Variants in NPHP4 observed in about 807,000 individuals in gnomAD.
NPHP4 encodes nephrocystin-4.
A neutral mutation model predicts 155.8 loss-of-function variants in NPHP4; 151 were observed. That is an observed-to-expected ratio of 0.97 (90% CI 0.85 to 1.11). The LOEUF is 1.11. Ranked by LOEUF, NPHP4 falls within the 50% of genes least tolerant of loss-of-function variation. NPHP4 has a pLI of 0.00. For synonymous variants in NPHP4, 845 were observed against 816.8 expected, an observed-to-expected ratio of 1.03 and a Z score of -0.59; for missense variants, 1,956 against 1,925.7, an observed-to-expected ratio of 1.02 and a Z score of -0.29.
At chr1:5,967,809 T>C (rs1407999488) in intron 4 of NPHP4, among the ~76,000 whole-genome samples, 2 of 152,122 alleles carry the variant, frequency 1.3e-5, no homozygotes, top group African/African-American at 2.4e-5. Context: ...CCCTGGCATC[T>C]AGTGCGTTGC....
intron 16 of NPHP4, among the ~76,000 whole-genome samples, chr1:5,900,438 G>A (rs1045134836): frequency 6.6e-6 from 1 of 152,200 alleles, no homozygotes; most frequent in African/African-American, 2.4e-5. Flanking sequence ...CACAGTGCTG[G>A]GGGGAAGAAA....
In NPHP4 at chr1:5,969,156, CAGGA is replaced by C. The variant is rs1652095188; in HGVS notation, c.379_382del (p.Ser127ValfsTer50). The stretch of plus-strand genomic sequence containing the variant: ...GAAGATCCGAAGAATTCCAAACCCA[CAGGA>C]CAATGTCTGGAGGCTCCCATCCCGT... On this transcript the variant is annotated frameshift_variant, in exon 4 of 30. Coordinates refer to ENST00000378156, the MANE Select transcript of NPHP4 (RefSeq NM_015102.5). LOFTEE classifies it high-confidence loss of function. The C allele has an allele frequency of 6.4e-7, 1 of 1,556,448 alleles. No individual in the cohort carries two copies. The highest frequency in any genetic ancestry group is 1.2e-5 in the South Asian group (1 of 84,294).
chr1:5,941,289 C>CAATAAAAAAA (rs1646800641), intron 9 of NPHP4, among the ~76,000 whole-genome samples: 1 of 44,776 alleles, frequency 2.2e-5, no homozygotes, highest in Non-Finnish European at 3.7e-5. Context: ...GAGATCTAGA[C>CAATAAAAAAA]AAAAAAAAAA....
chr1:5,950,285 G>A (rs933468389), intron 7 of NPHP4, among the ~76,000 whole-genome samples: 1 of 152,184 alleles, frequency 6.6e-6, no homozygotes, highest in Non-Finnish European at 1.5e-5. Flanking sequence ...ATCAAGGATG[G>A]CAGCATAACA....
At position 5,948,100 on chromosome 1, in the gene NPHP4, C is replaced by A. The variant is rs1046803552; in HGVS notation, c.962G>T (p.Ser321Ile). Residue 321 changes from serine to isoleucine, a missense_variant, in exon 8 of 30, where the codon AGC (serine) becomes ATC (isoleucine). By Grantham distance (142) the Ser-to-Ile change is moderately radical. Coordinates refer to ENST00000378156, the MANE Select transcript of NPHP4 (RefSeq NM_015102.5). ...CTTGGAAGAGGAGACCACTTTCCTG[C>A]TGAAGCTAGCTGAGCGCGTCAAGGC... ...DVALTRSASF[S>I]RKVVSSSKTS... 1.9e-6 allele frequency: 3 copies of A among 1,613,938 alleles called. No homozygotes were observed. The highest frequency in any genetic ancestry group is 1.7e-4 in the Middle Eastern group (1 of 6,060).
intron 19 of NPHP4, chr1:5,877,521 TA>T (rs1642741946): frequency 2.5e-6 from 1 of 403,592 alleles, no homozygotes; most frequent in Non-Finnish European, 4.4e-6. Flanking sequence ...GCCTTCAAAT[TA>T]AAAGCAATTC....
chr1:5,983,167 GAGA>G (rs1281207820), intron 2 of NPHP4, among the ~76,000 whole-genome samples: 7 of 152,184 alleles, frequency 4.6e-5, no homozygotes, highest in African/African-American at 9.7e-5. Flanking sequence ...CAATAATTGA[GAGA>G]AGAAGAGTTA....
chr1:5,890,709 A>G lies in NPHP4; in HGVS notation c.2304+159T>C, dbSNP rs1644075811. Among the ~76,000 whole-genome samples, 1 of 152,232 alleles carries G rather than the reference A, an allele frequency of 6.6e-6. No homozygotes were observed. The highest frequency in any genetic ancestry group is 1.5e-5 in the Non-Finnish European group (1 of 68,030). ...GAAAAATCTTTTCCTTTCAAGAAAC[A>G]GAGAATGCAGCACTATTTTTAACGA... is the stretch of plus-strand genomic sequence containing the variant. On this transcript the variant is annotated intron_variant, in intron 17 of 29. Coordinates refer to ENST00000378156, the MANE Select transcript of NPHP4 (RefSeq NM_015102.5). This position sits in a 1 kb window ranked among gnomAD's most constrained non-coding sequence, Gnocchi z 4.9.
At chr1:5,982,823 G>A (rs1410836860) in intron 2 of NPHP4, among the ~76,000 whole-genome samples, 1 of 151,938 alleles carries the variant, frequency 6.6e-6, no homozygotes, top group Non-Finnish European at 1.5e-5. Context: ...TCCTATTTGA[G>A]GATTTTCTAG....
chr1:5,931,566 T>A (rs1646274769), intron 10 of NPHP4, among the ~76,000 whole-genome samples: 2 of 151,716 alleles, frequency 1.3e-5, no homozygotes, highest in South Asian at 4.2e-4. Context: ...AAACCCCATC[T>A]CTACTAAAAA....
intron 10 of NPHP4, among the ~76,000 whole-genome samples, chr1:5,930,554 T>C (rs372052158): frequency 6.8e-4 from 103 of 152,370 alleles, no homozygotes; most frequent in African/African-American, 2.4e-3. Context: ...TTTTTACATA[T>C]TGTTTAATTT....
intron 1 of NPHP4, among the ~76,000 whole-genome samples, chr1:5,989,874 C>T (rs543312200): frequency 1.3e-5 from 2 of 152,176 alleles, no homozygotes; most frequent in African/African-American, 2.4e-5. Flanking sequence ...TGAAGCATGC[C>T]GGCCCCCTGC....
Position 5,890,892 on chromosome 1 carries a change from G to A in NPHP4, c.2280C>T (p.Ile760=), listed in dbSNP as rs1013943590. Residue 760 remains isoleucine, a synonymous_variant, in exon 17 of 30, where the codon ATC becomes ATT. Coordinates refer to ENST00000378156, the MANE Select transcript of NPHP4 (RefSeq NM_015102.5). The surrounding 1 kb of genome is among the most constrained non-coding windows in gnomAD (Gnocchi z 4.9). Reference sequence around the variant, plus strand: ...CCTTCATCTGGACGGCAGCAGATCCGATGAGCAGCAGGGAGTCTCCGTCCC... The same window carrying A: ...CCTTCATCTGGACGGCAGCAGATCCAATGAGCAGCAGGGAGTCTCCGTCCC... ...DVWDGDSLLL[I]GSAAVQMKHL... 27 of 1,610,362 alleles carry A rather than the reference G, an allele frequency of 1.7e-5. No individual in the cohort carries two copies. Among genetic ancestry groups the A allele is most frequent in the Admixed American group, 5.0e-5 (3 of 59,784 alleles).
chr1:5,897,956 G>A (rs1570318835), intron 16 of NPHP4, among the ~76,000 whole-genome samples: 1 of 152,354 alleles, frequency 6.6e-6, no homozygotes, highest in East Asian at 1.9e-4. Context: ...TTCTGCAGGT[G>A]GGGACATATG....
intron 3 of NPHP4, 32 bp downstream of exon 3, chr1:5,978,238 G>T: frequency 6.3e-7 from 1 of 1,589,252 alleles, no homozygotes; most frequent in Non-Finnish European, 8.6e-7. Context: ...CTCCGCCTTG[G>T]AGCAGCCCCT....
intron 5 of NPHP4, among the ~76,000 whole-genome samples, chr1:5,964,932 TATA>T (rs1463582157): frequency 2.1e-5 from 1 of 48,624 alleles, no homozygotes; most frequent in Non-Finnish European, 3.6e-5. Context: ...TATATATATA[TATA>T]TATATATTTT....
chr1:5,958,340 C>G (rs1345830150), intron 6 of NPHP4, among the ~76,000 whole-genome samples: 1 of 152,088 alleles, frequency 6.6e-6, no homozygotes, highest in Non-Finnish European at 1.5e-5. Context: ...GATGCTGGAG[C>G]TCAGGAGTTT....
chr1:5,937,508 C>T (rs1646605152), intron 9 of NPHP4, among the ~76,000 whole-genome samples: 1 of 152,242 alleles, frequency 6.6e-6, no homozygotes, highest in African/African-American at 2.4e-5. Flanking sequence ...GAGACCTTTT[C>T]ACTCTTGCCT....
intron 10 of NPHP4, among the ~76,000 whole-genome samples, chr1:5,930,825 G>A (rs1646235793): frequency 1.3e-5 from 2 of 152,178 alleles, no homozygotes; most frequent in African/African-American, 2.4e-5. Flanking sequence ...TATCATTGCT[G>A]ATGGAATAGC....
Sources: gnomAD v4.1 joint callset for allele counts (sites outside exome capture counted in the v4.1 genomes callset) on GRCh38, gnomAD v4.1.1 for gene constraint, Gnocchi (gnomAD v3.1) non-coding constraint, MANE v1.5 for transcripts, NCBI Gene and HGNC (gene_info 2026-07-23, HGNC 2026-07-21) for gene names.